Variants in FAM131A observed in about 807,000 individuals in gnomAD.
The protein encoded by FAM131A is protein FAM131A.
A neutral mutation model predicts 39.2 loss-of-function variants in FAM131A; 24 were observed. The observed-to-expected ratio is 0.61, with a 90% confidence interval of 0.44 to 0.86. The LOEUF (loss-of-function observed/expected upper bound fraction) is 0.86. FAM131A is among the 40% of genes least tolerant of loss of function. The pLI, the probability that FAM131A is intolerant of heterozygous loss-of-function variation, is 0.00. For synonymous variants in FAM131A, 202 were observed against 206.8 expected, an observed-to-expected ratio of 0.98 and a Z score of 0.20; for missense variants, 373 against 481.2, an observed-to-expected ratio of 0.78 and a Z score of 2.10.
At chr3:184,338,601 G>A (rs147963580) in intron 2 of FAM131A, 72 bp downstream of exon 2, 1 of 1,496,244 alleles carries the variant, frequency 6.7e-7, no homozygotes, top group African/African-American at 1.4e-5. Flanking sequence ...CCCCACCCAC[G>A]CCTGGCCAGC....
Position 184,345,893 on chromosome 3 carries a change from A to G in FAM131A, c.*923A>G. ...TGTCAGCTGATGCCTGCTGAGAGGC[A>G]GGAATTGTGCCAGTGAGTGACAGTC... On this transcript the variant is annotated 3_prime_UTR_variant, in exon 6 of 6. Transcript: ENST00000383847. 2.4e-6 allele frequency: 1 copy of G among 424,146 alleles called. No homozygotes were observed. The highest frequency in any genetic ancestry group is 4.2e-6 in the Non-Finnish European group (1 of 239,056). 26.3% of individuals were successfully genotyped at this position (424,146 alleles called of 1,614,324 possible).
upstream of FAM131A, among the ~76,000 whole-genome samples, chr3:184,336,533 C>T (rs1727109855): frequency 6.6e-6 from 1 of 152,174 alleles, no homozygotes; most frequent in Admixed American, 6.5e-5. The surrounding 1 kb of genome is among the most constrained non-coding windows in gnomAD (Gnocchi z 5.5). Context: ...GGGAGTGGCC[C>T]TGTGCTGGGA....
In FAM131A at chr3:184,342,480, G is replaced by A. The variant is rs974921944; in HGVS notation, c.508+232G>A. Among the ~76,000 whole-genome samples, 1 of 152,128 alleles carries A rather than the reference G, an allele frequency of 6.6e-6. No homozygotes were observed. The highest frequency in any genetic ancestry group is 1.5e-5 in the Non-Finnish European group (1 of 67,994). On this transcript the variant is annotated intron_variant, in intron 4 of 5. Transcript: ENST00000383847. The surrounding 1 kb of genome is among the most constrained non-coding windows in gnomAD (Gnocchi z 4.6). Reference sequence around the variant, plus strand: ...CTGCCACCGTGCCTGGCTAATTTTTGTAGTTTTAGTAGAGATGGGGTTTCA... The same window carrying A: ...CTGCCACCGTGCCTGGCTAATTTTTATAGTTTTAGTAGAGATGGGGTTTCA...
At chr3:184,341,923 T>G (rs776591214) in intron 3 of FAM131A, 106 bp downstream of exon 3, 1 of 1,503,158 alleles carries the variant, frequency 6.7e-7, no homozygotes, top group Non-Finnish European at 9.3e-7. Context: ...CTCCCCTTTC[T>G]TCCCTTGCTC....
chr3:184,337,703 C>G lies in FAM131A; in HGVS notation c.73C>G (p.Gln25Glu), dbSNP rs1307459336. 9 of 1,537,206 alleles carry G rather than the reference C, an allele frequency of 5.9e-6. No homozygotes were observed. The highest frequency in any genetic ancestry group is 7.8e-6 in the Non-Finnish European group (9 of 1,146,908). ...REGPGGRWTC[Q>E]TSRRVSSDPA... ...AGGGCCTGGAGGACGATGGACTTGT[C>G]AGACAAGTCGCAGAGGTGAGACCAG... The change falls in exon 1 of 6, where the codon CAG (glutamine) becomes GAG (glutamate). Residue 25 changes from glutamine to glutamate, a missense_variant. Gln to Glu is a conservative substitution (Grantham distance 29, BLOSUM62 2). Coordinates refer to ENST00000383847, the MANE Select transcript of FAM131A (RefSeq NM_144635.5).
At chr3:184,337,131 G>A (rs1485396439), upstream of FAM131A, 1 of 153,130 alleles carries the variant, frequency 6.5e-6, no homozygotes, top group African/African-American at 2.4e-5. Context: ...TTGAAGCTGA[G>A]GAGCAGCTGA....
At chr3:184,341,465 C>T in intron 2 of FAM131A, 2 of 554,476 alleles carry the variant, frequency 3.6e-6, no homozygotes, top group Non-Finnish European at 3.2e-6. Context: ...GCCTCCATCT[C>T]CTCTGGGTGC....
intron 3 of FAM131A, 94 bp from the exon 4 acceptor site, chr3:184,341,972 A>G (rs758027334): frequency 1.4e-5 from 22 of 1,545,904 alleles, no homozygotes; most frequent in African/African-American, 5.4e-5. Context: ...AAAGGTTCAC[A>G]TGGATCCTAA....
In FAM131A at chr3:184,345,200, C is replaced by T. The variant is rs1021847342; in HGVS notation, c.*230C>T. The T allele has an allele frequency of 7.7e-5, 45 of 581,592 alleles. No individual in the cohort carries two copies. Among genetic ancestry groups the T allele is most frequent in the Middle Eastern group, 4.6e-4 (1 of 2,196 alleles). The allele number at this position is 581,592 out of a possible 1,614,324, so 36.0% of individuals were successfully genotyped here. A position where few individuals can be genotyped will look rare whatever the true frequency, so the allele number is the denominator to read the frequency against. On this transcript the variant is annotated 3_prime_UTR_variant, in exon 6 of 6. Coordinates refer to ENST00000383847, the MANE Select transcript of FAM131A (RefSeq NM_144635.5). Reference sequence around the variant, plus strand: ...CTCCCGGGGCTTGCCGGGGGTTGCCCGGGGCCTCTGGGGCATGGCTACAGC... The same window carrying T: ...CTCCCGGGGCTTGCCGGGGGTTGCCTGGGGCCTCTGGGGCATGGCTACAGC...
chr3:184,342,557 C>T lies in FAM131A; in HGVS notation c.509-187C>T, dbSNP rs1180931233. Among the ~76,000 whole-genome samples, 3 of 152,144 alleles carry T rather than the reference C, an allele frequency of 2.0e-5. No individual in the cohort carries two copies. Among genetic ancestry groups the T allele is most frequent in the East Asian group, 1.9e-4 (1 of 5,188 alleles). ...TCCTGACCTAGTGATCCACCTGCCT[C>T]GGCCTCCCAAAGTGCTGGGATTACA... On this transcript the variant is annotated intron_variant, in intron 4 of 5. Transcript: ENST00000383847. The surrounding 1 kb of genome is among the most constrained non-coding windows in gnomAD (Gnocchi z 4.6).
intron 5 of FAM131A, 70 bp from the exon 6 acceptor site, chr3:184,344,411 GGTGGAGTGGGGTGA>G (rs1727524773): frequency 7.7e-7 from 1 of 1,306,604 alleles, no homozygotes; most frequent in African/African-American, 1.5e-5. Context: ...CTATGCCAGG[GGTGGAGTGGGGTGA>G]ATGTGGCTTC....
rs780347486 is a variant in FAM131A at position 184,341,732 on chromosome 3, T to C, written c.240T>C (p.Val80=). The change falls in exon 3 of 6, where the codon GTT becomes GTC. Residue 80 remains valine, a synonymous_variant. Coordinates refer to ENST00000383847, the MANE Select transcript of FAM131A (RefSeq NM_144635.5). ...VDSQDLPEVN[V]GDTVAMLPKS... Reference sequence around the variant, plus strand: ...TAATGGTGTTACCCAAGGTGAATGTTGGAGACACAGTCGCGATGCTGCCCA... The same window carrying C: ...TAATGGTGTTACCCAAGGTGAATGTCGGAGACACAGTCGCGATGCTGCCCA... 2.5e-6 allele frequency: 4 copies of C among 1,607,836 alleles called. No individual in the cohort carries two copies. Among genetic ancestry groups the C allele is most frequent in the Non-Finnish European group, 3.4e-6 (4 of 1,179,958 alleles).
At chr3:184,343,171 T>C (rs888016419) in intron 5 of FAM131A, 16 of 220,914 alleles carry the variant, frequency 7.2e-5, no homozygotes, top group Non-Finnish European at 1.3e-4. Context: ...ACACCTTCTG[T>C]GCAGCCATGT....
In FAM131A at chr3:184,341,821, T is replaced by G; in HGVS notation, c.325+4T>G. 6.2e-7 allele frequency: 1 copy of G among 1,614,160 alleles called. No individual in the cohort carries two copies. Among genetic ancestry groups the G allele is most frequent in the South Asian group, 1.1e-5 (1 of 91,082 alleles). Reference sequence around the variant, plus strand: ...CTGGCCAGGTCCTCCCTGCATGGTATGCAGCCCCTCCCATGTTTCTGGCCA... The same window carrying G: ...CTGGCCAGGTCCTCCCTGCATGGTAGGCAGCCCCTCCCATGTTTCTGGCCA... On this transcript the variant is annotated splice_donor_region_variant and intron_variant, in intron 3 of 5. Transcript: ENST00000383847.
In FAM131A at chr3:184,342,783, G is replaced by A. The variant is rs774882447; in HGVS notation, c.548G>A (p.Arg183Gln). The A allele has an allele frequency of 7.4e-6, 12 of 1,613,712 alleles. No individual in the cohort carries two copies. Among genetic ancestry groups the A allele is most frequent in the African/African-American group, 1.3e-5 (1 of 74,898 alleles). ...EQFAIAEAKL[R>Q]AWSSVDGEDS... Reference sequence around the variant, plus strand: ...TTTGCCATCGCGGAAGCCAAGCTCCGAGCATGGTCTTCGGTGGATGGCGAG... The same window carrying A: ...TTTGCCATCGCGGAAGCCAAGCTCCAAGCATGGTCTTCGGTGGATGGCGAG... The change falls in exon 5 of 6, where the codon CGA (arginine) becomes CAA (glutamine). Residue 183 changes from arginine (R) to glutamine (Q), a missense_variant. Transcript: ENST00000383847. This position sits in a 1 kb window ranked among gnomAD's most constrained non-coding sequence, Gnocchi z 4.6.
chr3:184,337,546 C>G (rs1727174256), upstream of FAM131A: 3 of 1,254,184 alleles, frequency 2.4e-6, no homozygotes, highest in South Asian at 3.9e-5. Context: ...ACTGGCTCAG[C>G]ATCCGGAGCC....
intron 5 of FAM131A, among the ~76,000 whole-genome samples, chr3:184,343,989 C>T (rs1254395909): frequency 1.5e-5 from 1 of 66,946 alleles, no homozygotes; most frequent in Non-Finnish European, 2.7e-5. Flanking sequence ...AACTGTGTGC[C>T]AGACTTTTTT....
At chr3:184,343,656 T>C (rs773792430) in intron 5 of FAM131A, among the ~76,000 whole-genome samples, 2 of 152,244 alleles carry the variant, frequency 1.3e-5, no homozygotes, top group Non-Finnish European at 2.9e-5. Flanking sequence ...AGGGCTGATT[T>C]GGTTGTCTGA....
Position 184,345,363 on chromosome 3 carries a change from C to G in FAM131A, c.*393C>G, listed in dbSNP as rs1727595894. The stretch of plus-strand genomic sequence containing the variant: ...GGGGCCCAGCAACCCCCCACCCTCC[C>G]CATGCCTCTCTCTTCTCTGCTTTTC... On this transcript the variant is annotated 3_prime_UTR_variant, in exon 6 of 6. Coordinates refer to ENST00000383847, the MANE Select transcript of FAM131A (RefSeq NM_144635.5). 10 of 605,580 alleles carry G rather than the reference C, an allele frequency of 1.7e-5. No homozygotes were observed. Among genetic ancestry groups the G allele is most frequent in the Non-Finnish European group, 2.6e-5 (9 of 342,436 alleles). 37.5% of individuals were successfully genotyped at this position (605,580 alleles called of 1,614,324 possible).
Sources: allele counts gnomAD v4.1 joint callset (sites outside exome capture counted in the v4.1 genomes callset), GRCh38; gene constraint gnomAD v4.1.1; non-coding constraint Gnocchi (gnomAD v3.1); transcripts MANE v1.5; gene names NCBI Gene and HGNC (gene_info 2026-07-23, HGNC 2026-07-21).